Variants in LRP5 observed in about 807,000 individuals in gnomAD.
LRP5 encodes LDL receptor related protein 5.
A neutral mutation model predicts 154.1 loss-of-function variants in LRP5; 62 were observed. The ratio of observed to expected loss-of-function variants is 0.40; its 90% CI spans 0.33 to 0.50. The LOEUF (loss-of-function observed/expected upper bound fraction) is 0.50. LRP5 is among the 20% of genes least tolerant of loss of function. The probability of loss-of-function intolerance (pLI) is 0.55; values close to 1 mark genes in which losing one functional copy is unlikely to be tolerated. For missense variants in LRP5, 1,915 were observed against 2,336.7 expected (o/e 0.82, Z 3.72); for synonymous variants, 966 against 1,011.5 (o/e 0.96, Z 0.85).
At chr11:68,414,337 C>T (rs935530893) in intron 12 of LRP5, among the ~76,000 whole-genome samples, 4 of 152,290 alleles carry the variant, frequency 2.6e-5, no homozygotes, top group East Asian at 1.9e-4. Context: ...CCATAGCGCT[C>T]GTTTACTCCT....
intron 1 of LRP5, among the ~76,000 whole-genome samples, chr11:68,334,294 G>A (rs1343738828): frequency 2.7e-5 from 4 of 149,788 alleles, no homozygotes; most frequent in Non-Finnish European, 6.0e-5. Context: ...TAGAGGTGTC[G>A]GGGGTGATTG....
intron 1 of LRP5, among the ~76,000 whole-genome samples, chr11:68,341,416 A>G (rs569500184): frequency 6.6e-6 from 1 of 152,004 alleles, no homozygotes; most frequent in South Asian, 2.1e-4. Context: ...TGCATCCCTC[A>G]TCGCCCCAGG....
In LRP5 at chr11:68,353,036, G is replaced by A. The variant is rs1225140387; in HGVS notation, c.489-4614G>A. On this transcript the variant is annotated intron_variant, in intron 2 of 22. Coordinates refer to ENST00000294304, the MANE Select transcript of LRP5 (RefSeq NM_002335.4). This position sits in a 1 kb window ranked among gnomAD's most constrained non-coding sequence, Gnocchi z 4.5. ...GGAGGTACTTGGTGCTTGGTTGGGAGATGCTGGGCCCTTGGTTGGGAGTAG... is the reference window on the plus strand; with the variant it reads ...GGAGGTACTTGGTGCTTGGTTGGGAAATGCTGGGCCCTTGGTTGGGAGTAG... Among the ~76,000 whole-genome samples the A allele has an allele frequency of 3.3e-5, 5 of 152,214 alleles. No homozygotes were observed. Among genetic ancestry groups the A allele is most frequent in the Non-Finnish European group, 7.3e-5 (5 of 68,032 alleles).
intron 21 of LRP5, among the ~76,000 whole-genome samples, chr11:68,443,574 TA>T (rs1381091911): frequency 1.1e-3 from 47 of 41,372 alleles, no homozygotes; most frequent in African/African-American, 2.1e-3. Flanking sequence ...TATATATATA[TA>T]TATATATATA....
At chr11:68,431,006 A>T (rs1056199407) in intron 17 of LRP5, among the ~76,000 whole-genome samples, 3 of 152,244 alleles carry the variant, frequency 2.0e-5, no homozygotes, top group African/African-American at 7.2e-5. Context: ...CGTGATGCAC[A>T]GGAATGCCAG....
chr11:68,309,709 C>T (rs2098586606), upstream of LRP5, among the ~76,000 whole-genome samples: 1 of 151,894 alleles, frequency 6.6e-6, no homozygotes, highest in Non-Finnish European at 1.5e-5. Flanking sequence ...AACTTTGGGC[C>T]AGTTGTAATG....
At position 68,433,669 on chromosome 11, in the gene LRP5, C is replaced by T. The variant is rs1374925353; in HGVS notation, c.3831C>T (p.Ala1277=). 6.2e-7 allele frequency: 1 copy of T among 1,613,498 alleles called. No individual in the cohort carries two copies. Among genetic ancestry groups the T allele is most frequent in the East Asian group, 2.2e-5 (1 of 44,884 alleles). The change falls in exon 18 of 23, where the codon GCC becomes GCT. Residue 1277 remains alanine (A), a synonymous_variant. Transcript: ENST00000294304. ...GGGAGATCGACTGTATCCCCGGGGC[C>T]TGGCGCTGTGACGGCTTTCCCGAGT... is the stretch of plus-strand genomic sequence containing the variant. ...ATGEIDCIPG[A]WRCDGFPECD... is the part of the protein sequence containing the mutation.
intron 1 of LRP5, among the ~76,000 whole-genome samples, chr11:68,335,300 C>G (rs1351338468): frequency 6.6e-6 from 1 of 152,070 alleles, no homozygotes; most frequent in Non-Finnish European, 1.5e-5. Context: ...TCTCAAACTT[C>G]TGGCCTCAAG....
At chr11:68,371,622 C>T (rs548217104) in intron 5 of LRP5, among the ~76,000 whole-genome samples, 1 of 152,382 alleles carries the variant, frequency 6.6e-6, no homozygotes, top group African/African-American at 2.4e-5. Flanking sequence ...GTATTGCGGC[C>T]GTGCGCCCGG....
intron 21 of LRP5, among the ~76,000 whole-genome samples, chr11:68,443,447 G>A (rs1466289119): frequency 1.1e-4 from 14 of 127,180 alleles, no homozygotes; most frequent in Non-Finnish European, 1.6e-4. Flanking sequence ...CCGAGATCGC[G>A]CCATTGCACT....
At chr11:68,448,210 G>A (rs1285121167) in intron 22 of LRP5, among the ~76,000 whole-genome samples, 3 of 152,170 alleles carry the variant, frequency 2.0e-5, no homozygotes, top group Admixed American at 6.5e-5. Flanking sequence ...ACAGTATGGG[G>A]GGAACCACCC....
At chr11:68,299,669 A>G in the LRP5 span, among the ~76,000 whole-genome samples, 1 of 144,666 alleles carries the variant, frequency 6.9e-6, no homozygotes, top group Non-Finnish European at 1.5e-5. Flanking sequence ...TGTAGCCTCC[A>G]GGTCATGGGT....
intron 16 of LRP5, 134 bp from the exon 17 acceptor site, chr11:68,429,441 G>A: frequency 9.6e-7 from 1 of 1,046,110 alleles, no homozygotes; most frequent in Non-Finnish European, 1.5e-6. Context: ...ATAAGTGGGA[G>A]GATCCTCCCA....
At position 68,433,713 on chromosome 11, in the gene LRP5, A is replaced by G; in HGVS notation, c.3875A>G (p.Glu1292Gly). The stretch of plus-strand genomic sequence containing the variant: ...CCCGAGTGCGATGACCAGAGCGACG[A>G]GGAGGGCTGCCCCGTGTGCTCCGCC... ...GFPECDDQSD[E>G]EGCPVCSAAQ... The change falls in exon 18 of 23, where the codon GAG becomes GGG. Residue 1292 changes from glutamate to glycine, a missense_variant. By Grantham distance (98) the Glu-to-Gly change is moderately conservative. Around this residue, in one of 3 missense-constraint regions of LRP5, gnomAD observed 1,094 missense variants for 1,210.1 expected, o/e 0.90. Coordinates refer to ENST00000294304, the MANE Select transcript of LRP5 (RefSeq NM_002335.4). 6.2e-7 allele frequency: 1 copy of G among 1,613,058 alleles called. No individual in the cohort carries two copies. Among genetic ancestry groups the G allele is most frequent in the Non-Finnish European group, 8.5e-7 (1 of 1,179,936 alleles).
In LRP5 at chr11:68,446,477, G is replaced by A; in HGVS notation, c.4530G>A (p.Leu1510=). ...PPPSPATDPS[L]YNMDMFYSSN... ...CCTCCCCGGCCACGGACCCCTCCCT[G>A]TACAACATGGACATGTTCTACTCTT... The change falls in exon 22 of 23, where the codon CTG becomes CTA. Residue 1510 remains leucine, a synonymous_variant. Coordinates refer to ENST00000294304, the MANE Select transcript of LRP5 (RefSeq NM_002335.4). The A allele has an allele frequency of 6.2e-7, 1 of 1,614,142 alleles. No individual in the cohort carries two copies. The highest frequency in any genetic ancestry group is 8.5e-7 in the Non-Finnish European group (1 of 1,180,008).
intron 7 of LRP5, among the ~76,000 whole-genome samples, chr11:68,396,383 G>A (rs986625797): frequency 1.3e-5 from 2 of 152,164 alleles, no homozygotes; most frequent in Non-Finnish European, 2.9e-5. Flanking sequence ...TCCACGTGGT[G>A]GTGTGCGCAG....
chr11:68,338,246 T>G (rs1320479749), intron 1 of LRP5, among the ~76,000 whole-genome samples: 1 of 152,224 alleles, frequency 6.6e-6, no homozygotes, highest in African/African-American at 2.4e-5. Context: ...AGGCATGGAC[T>G]GAAAATGTTG....
At chr11:68,334,939 A>C (rs1229833308) in intron 1 of LRP5, among the ~76,000 whole-genome samples, 2 of 152,154 alleles carry the variant, frequency 1.3e-5, no homozygotes, top group Admixed American at 6.5e-5. Flanking sequence ...TATTCTTGAA[A>C]GTTATGCTCC....
the LRP5 span, among the ~76,000 whole-genome samples, chr11:68,304,333 A>T: frequency 2.0e-5 from 3 of 152,258 alleles, no homozygotes; most frequent in Non-Finnish European, 2.9e-5. Flanking sequence ...ATGTGGTGTT[A>T]AGCCTGTAGG....
Sources: allele counts gnomAD v4.1 joint callset (sites outside exome capture counted in the v4.1 genomes callset), GRCh38; gene constraint gnomAD v4.1.1; regional missense constraint gnomAD v4.1.1; non-coding constraint Gnocchi (gnomAD v3.1); transcripts MANE v1.5; gene names NCBI Gene and HGNC (gene_info 2026-07-23, HGNC 2026-07-21).